Variants in FAM78B observed in about 807,000 individuals in gnomAD.
The protein encoded by FAM78B is family with sequence similarity 78 member B.
In FAM78B, 10 loss-of-function variants were observed where a neutral mutation model predicts 20.0. The observed-to-expected ratio is 0.50, with a 90% CI of 0.31 to 0.85. The LOEUF (loss-of-function observed/expected upper bound fraction) is 0.85, where lower values mean the gene tolerates loss of function less well. Among genes scored for constraint, FAM78B ranks in the 40% least tolerant of loss-of-function variants. FAM78B has a pLI of 0.05. For missense variants in FAM78B, 283 were observed against 345.0 expected, an observed-to-expected ratio of 0.82 and a Z score of 1.42; for synonymous variants, 135 against 132.8, an observed-to-expected ratio of 1.02 and a Z score of -0.12.
chr1:166,119,932 GA>G (rs1654404983), intron 1 of FAM78B, among the ~76,000 whole-genome samples: 1 of 152,202 alleles, frequency 6.6e-6, no homozygotes, highest in South Asian at 2.1e-4. Flanking sequence ...AGCTAAGCAT[GA>G]AAGAGAAGAT....
intron 1 of FAM78B, among the ~76,000 whole-genome samples, chr1:166,139,990 C>T (rs144185603): frequency 4.6e-5 from 7 of 152,284 alleles, no homozygotes; most frequent in South Asian, 2.1e-4. Flanking sequence ...ACAAAGGCCA[C>T]GCAGGATGAG....
At chr1:166,161,609 C>T (rs1328760779) in intron 1 of FAM78B, among the ~76,000 whole-genome samples, 1 of 152,094 alleles carries the variant, frequency 6.6e-6, no homozygotes, top group Non-Finnish European at 1.5e-5. Flanking sequence ...GTGACATGTC[C>T]TGAGATGGTA....
At chr1:166,099,597 G>A (rs10918350) in intron 1 of FAM78B, among the ~76,000 whole-genome samples, 18,181 of 152,126 alleles carry the variant, frequency 0.12, 1,112 homozygotes, top group Middle Eastern at 0.26. Context: ...ATGCAAATGG[G>A]GTAGCAGCGA....
chr1:166,106,492 A>G (rs1433289416), intron 1 of FAM78B, among the ~76,000 whole-genome samples: 1 of 152,212 alleles, frequency 6.6e-6, no homozygotes, highest in African/African-American at 2.4e-5. Flanking sequence ...AATACTATAC[A>G]ATATACAAAA....
intron 1 of FAM78B, among the ~76,000 whole-genome samples, chr1:166,155,874 T>G (rs1017764882): frequency 4.6e-5 from 7 of 152,302 alleles, no homozygotes; most frequent in Middle Eastern, 6.8e-3. Context: ...TTCCCCTACA[T>G]ATCCCAGCCT....
chr1:166,136,964 T>A (rs1025173915), intron 1 of FAM78B, among the ~76,000 whole-genome samples: 1 of 152,176 alleles, frequency 6.6e-6, no homozygotes, highest in African/African-American at 2.4e-5. Context: ...GTGAGGTAGG[T>A]GTTATTACAT....
At chr1:166,160,598 A>G (rs187995331) in intron 1 of FAM78B, among the ~76,000 whole-genome samples, 1 of 152,386 alleles carries the variant, frequency 6.6e-6, no homozygotes, top group African/African-American at 2.4e-5. Context: ...TAACTGCTGG[A>G]GTGTCTTGGG....
intron 2 of FAM78B, among the ~76,000 whole-genome samples, chr1:166,063,829 T>C (rs951181023): frequency 6.6e-6 from 1 of 152,208 alleles, no homozygotes; most frequent in Non-Finnish European, 1.5e-5. Context: ...TTTTCCCTTC[T>C]CCCGGGCATT....
chr1:166,123,688 A>C (rs1215236095), intron 1 of FAM78B, among the ~76,000 whole-genome samples: 1 of 152,220 alleles, frequency 6.6e-6, no homozygotes, highest in Non-Finnish European at 1.5e-5. Flanking sequence ...CCTAGCAGAA[A>C]AGAACCATAA....
intron 1 of FAM78B, among the ~76,000 whole-genome samples, chr1:166,155,749 G>A (rs879353316): frequency 6.6e-6 from 1 of 152,158 alleles, no homozygotes; most frequent in Admixed American, 6.5e-5. Flanking sequence ...CTCAGGTGTG[G>A]GGACTGCCAT....
At chr1:166,132,843 T>C (rs1654924079) in intron 1 of FAM78B, among the ~76,000 whole-genome samples, 1 of 152,226 alleles carries the variant, frequency 6.6e-6, no homozygotes. Flanking sequence ...TGAGTTACAG[T>C]ACCAGCTTAT....
intron 1 of FAM78B, among the ~76,000 whole-genome samples, chr1:166,111,496 G>A (rs2101759005): frequency 6.6e-6 from 1 of 152,334 alleles, no homozygotes; most frequent in South Asian, 2.1e-4. Flanking sequence ...CACATTGACT[G>A]TGATTCGCAG....
At chr1:166,085,499 C>T (rs1397599016) in intron 1 of FAM78B, among the ~76,000 whole-genome samples, 1 of 152,174 alleles carries the variant, frequency 6.6e-6, no homozygotes, top group Admixed American at 6.5e-5. Context: ...TGTTCAAGGT[C>T]AAGGAGACAC....
chr1:166,130,098 A>G (rs1654817898), intron 1 of FAM78B, among the ~76,000 whole-genome samples: 1 of 152,164 alleles, frequency 6.6e-6, no homozygotes, highest in African/African-American at 2.4e-5. Context: ...CTGACACCTG[A>G]GCATGCCTTT....
chr1:166,119,881 C>T (rs562658395), intron 1 of FAM78B, among the ~76,000 whole-genome samples: 12 of 152,330 alleles, frequency 7.9e-5, no homozygotes, highest in Middle Eastern at 3.4e-3. Flanking sequence ...CTCAGACACA[C>T]GCCTGAATTT....
chr1:166,150,274 CT>C (rs1309600393), intron 1 of FAM78B, among the ~76,000 whole-genome samples: 7 of 152,164 alleles, frequency 4.6e-5, no homozygotes, highest in South Asian at 4.1e-4. Flanking sequence ...CCCTTCACCC[CT>C]AACAGTGGAG....
intron 1 of FAM78B, among the ~76,000 whole-genome samples, chr1:166,109,893 T>TATATGTATGTGTATATATATATAC: frequency 2.5e-5 from 1 of 40,234 alleles, no homozygotes; most frequent in South Asian, 1.1e-3. Context: ...TATATATGTA[T>TATATGTATGTGTATATATATATAC]ATATATATAT....
intron 1 of FAM78B, among the ~76,000 whole-genome samples, chr1:166,092,925 C>T (rs1185328989): frequency 1.3e-5 from 2 of 152,216 alleles, no homozygotes; most frequent in Non-Finnish European, 2.9e-5. Flanking sequence ...GACAAGCTTA[C>T]TGGATCTCAG....
chr1:166,082,819 G>C (rs146171870), intron 1 of FAM78B: 1 of 152,402 alleles, frequency 6.6e-6, no homozygotes, highest in African/African-American at 2.4e-5. Context: ...AGAGTCCCAC[G>C]TGACAGCCGA....
Sources: gnomAD v4.1 joint callset for allele counts (sites outside exome capture counted in the v4.1 genomes callset) on GRCh38, gnomAD v4.1.1 for gene constraint, MANE v1.5 for transcripts, NCBI Gene and HGNC (gene_info 2026-07-23, HGNC 2026-07-21) for gene names.